NCAN: variants seen among roughly 807,000 people sequenced by gnomAD.
The protein encoded by NCAN is neurocan, also known as neurocan core protein.
Under a neutral mutation model 121.8 loss-of-function variants are expected in NCAN, and 47 were observed. That is an observed-to-expected ratio of 0.39 (90% CI 0.31 to 0.49). The LOEUF (loss-of-function observed/expected upper bound fraction) is 0.49. Ranked by LOEUF, NCAN falls within the 20% of genes least tolerant of loss-of-function variation. NCAN has a pLI of 0.92. For synonymous variants in NCAN, 633 were observed against 702.0 expected (o/e 0.90, Z 1.55); for missense variants, 1,517 against 1,773.4 (o/e 0.86, Z 2.60).
At chr19:19,238,170 T>C (rs2060888864) in intron 10 of NCAN, 83 bp from the exon 11 acceptor site, 1 of 1,580,312 alleles carries the variant, frequency 6.3e-7, no homozygotes, top group African/African-American at 1.3e-5. Flanking sequence ...TTGGGCCCTC[T>C]CTCTGGTGGG....
At chr19:19,231,242 A>C (rs1320492148) in intron 8 of NCAN, among the ~76,000 whole-genome samples, 1 of 152,016 alleles carries the variant, frequency 6.6e-6, no homozygotes, top group Admixed American at 6.6e-5. Flanking sequence ...GGAGACAGAC[A>C]CAGAGAGGTG....
At chr19:19,214,727 GGTGTGT>G (rs56279536) in intron 1 of NCAN, among the ~76,000 whole-genome samples, 1,712 of 141,186 alleles carry the variant, frequency 0.012, 16 homozygotes, top group Middle Eastern at 0.018. Context: ...CTGTTAACGG[GGTGTGT>G]GTGTGTGTGT....
At position 19,252,207 on chromosome 19, in the gene NCAN, A is replaced by C. The variant is rs917095736; in HGVS notation, c.*2296A>C. Reference sequence around the variant, plus strand: ...GTGGACATTAATGTACTTCTTGGACATTTTAATAAATTTTTTAACAGTTCA... The same window carrying C: ...GTGGACATTAATGTACTTCTTGGACCTTTTAATAAATTTTTTAACAGTTCA... On this transcript the variant is annotated 3_prime_UTR_variant, in exon 15 of 15. Transcript: ENST00000252575. 3 of 152,654 alleles carry C rather than the reference A, an allele frequency of 2.0e-5. No individual in the cohort carries two copies. The highest frequency in any genetic ancestry group is 6.5e-5 in the Admixed American group (1 of 15,268). 9.5% of individuals were successfully genotyped at this position (152,654 alleles called of 1,614,324 possible).
rs191217375 is a variant in NCAN, at chr19:19,227,884, G to A, written c.2264G>A (p.Gly755Glu). 25 of 1,613,684 alleles carry A rather than the reference G, an allele frequency of 1.5e-5. No individual in the cohort carries two copies. The Admixed American group carries it at 4.2e-4, about 27-fold the overall frequency. ...CCAACGGGCCTCAGGGGTATCCCGG[G>A]GTCTGAGTCTGGGGTCTTCGACACA... ...TEPTGLRGIP[G>E]SESGVFDTAE... Residue 755 changes from glycine to glutamate, a missense_variant, in exon 8 of 15, where the codon GGG (glycine) becomes GAG (glutamate). By Grantham distance (98) the Gly-to-Glu change is moderately conservative. Transcript: ENST00000252575. This position sits in a 1 kb window ranked among gnomAD's most constrained non-coding sequence, Gnocchi z 4.2.
At chr19:19,233,684 T>C (rs2060869969) in intron 8 of NCAN, 105 bp from the exon 9 acceptor site, 1 of 719,372 alleles carries the variant, frequency 1.4e-6, no homozygotes, top group Non-Finnish European at 2.5e-6. Flanking sequence ...GAGGGCTCCA[T>C]AGAGAGGGTT....
At position 19,250,069 on chromosome 19, in the gene NCAN, T is replaced by G. The variant is rs895573039; in HGVS notation, c.*158T>G. ...AATCCTTTGTACAAAGCTCCTCTTT[T>G]CCCTTTTTTTACATACACAAGATCC... On this transcript the variant is annotated 3_prime_UTR_variant, in exon 15 of 15. Transcript: ENST00000252575. The G allele has an allele frequency of 3.5e-6, 3 of 853,370 alleles. No homozygotes were observed. In the African/African-American group the frequency reaches 5.0e-5, roughly 14 times the overall value. The allele number at this position is 853,370 out of a possible 1,614,324, so 52.9% of individuals were successfully genotyped here.
At chr19:19,214,333 C>G (rs1241589722) in intron 1 of NCAN, among the ~76,000 whole-genome samples, 2 of 152,152 alleles carry the variant, frequency 1.3e-5, no homozygotes, top group Non-Finnish European at 2.9e-5. Flanking sequence ...CATGAGGGCA[C>G]GGGCCCCAGA....
rs1210118462 is a variant in NCAN at position 19,224,070 on chromosome 19, C to T, written c.525C>T (p.Phe175=). 6.9e-6 allele frequency: 11 copies of T among 1,596,060 alleles called. No homozygotes were observed. Among genetic ancestry groups the T allele is most frequent in the Middle Eastern group, 1.7e-4 (1 of 6,008 alleles). The change falls in exon 4 of 15, where the codon TTC becomes TTT. Residue 175 remains phenylalanine (F), a synonymous_variant. Transcript: ENST00000252575. ...RSARDRYALT[F]AEAQEACRLS... ...CCCGGGACCGCTATGCACTGACCTTCGCTGAGGCCCAGGAGGCCTGCCGTC... is the reference window on the plus strand; with the variant it reads ...CCCGGGACCGCTATGCACTGACCTTTGCTGAGGCCCAGGAGGCCTGCCGTC...
intron 2 of NCAN, 24 bp from the exon 3 acceptor site, chr19:19,218,891 C>A (rs1020436852): frequency 4.8e-6 from 7 of 1,473,354 alleles, no homozygotes; most frequent in Non-Finnish European, 6.3e-6. Context: ...GAATCAGGCC[C>A]TCTCTCCACC....
chr19:19,245,389 A>T lies in NCAN; in HGVS notation c.3569A>T (p.His1190Leu), dbSNP rs200706867. 1.2e-6 allele frequency: 2 copies of T among 1,614,132 alleles called. No homozygotes were observed. Among genetic ancestry groups the T allele is most frequent in the African/African-American group, 2.7e-5 (2 of 74,954 alleles). ...GGEDCVVMVA[H>L]ESGRWNDVPC... Reference sequence around the variant, plus strand: ...GAGGACTGTGTGGTGATGGTGGCGCATGAAAGCGGGCGCTGGAACGATGTC... The same window carrying T: ...GAGGACTGTGTGGTGATGGTGGCGCTTGAAAGCGGGCGCTGGAACGATGTC... Residue 1190 changes from histidine to leucine, a missense_variant, in exon 13 of 15, where the codon CAT becomes CTT. Coordinates refer to ENST00000252575, the MANE Select transcript of NCAN (RefSeq NM_004386.3).
At chr19:19,229,619 C>A (rs1050515111) in intron 8 of NCAN, among the ~76,000 whole-genome samples, 1 of 152,178 alleles carries the variant, frequency 6.6e-6, no homozygotes, top group Non-Finnish European at 1.5e-5. Flanking sequence ...GAGCCCAAGT[C>A]AGCCTGAGTC....
chr19:19,243,815 CAGG>C (rs1568602959), intron 12 of NCAN, among the ~76,000 whole-genome samples: 2 of 152,250 alleles, frequency 1.3e-5, no homozygotes, highest in East Asian at 3.9e-4. Context: ...ATCGCGAGGT[CAGG>C]AGTTCAAGAC....
Position 19,226,589 on chromosome 19 carries a change from C to A in NCAN, c.1176C>A (p.Pro392=), listed in dbSNP as rs2060837917. Residue 392 remains proline, a synonymous_variant, in exon 7 of 15, where the codon CCC becomes CCA. Transcript: ENST00000252575. ...AEGPPVRELE[P]TLEEEEVVTP... ...GGCCCCCAGTTAGAGAACTGGAGCC[C>A]ACCCTGGAGGAGGAAGAGGTGGTCA... 1 of 1,613,718 alleles carries A rather than the reference C, an allele frequency of 6.2e-7. No homozygotes were observed. The highest frequency in any genetic ancestry group is 8.5e-7 in the Non-Finnish European group (1 of 1,179,966).
intron 13 of NCAN, among the ~76,000 whole-genome samples, chr19:19,245,896 G>C (rs1040187624): frequency 5.9e-5 from 9 of 152,224 alleles, no homozygotes; most frequent in African/African-American, 1.7e-4. Flanking sequence ...GTGCTTAATG[G>C]GTATAGAATT....
intron 8 of NCAN, among the ~76,000 whole-genome samples, chr19:19,230,234 A>G (rs949375515): frequency 6.6e-6 from 1 of 151,740 alleles, no homozygotes; most frequent in African/African-American, 2.4e-5. Flanking sequence ...TAGTAGAGAC[A>G]AGGCTTCACC....
At chr19:19,244,013 G>A (rs966860387) in intron 12 of NCAN, among the ~76,000 whole-genome samples, 2 of 152,072 alleles carry the variant, frequency 1.3e-5, no homozygotes, top group African/African-American at 4.8e-5. Flanking sequence ...CCTGGGCTCT[G>A]TCTCAAACAA....
At chr19:19,245,037 A>G (rs1213648211) in intron 12 of NCAN, among the ~76,000 whole-genome samples, 1 of 152,042 alleles carries the variant, frequency 6.6e-6, no homozygotes, top group African/African-American at 2.4e-5. Flanking sequence ...TCTAACACTG[A>G]TTCATGTTGA....
At chr19:19,220,980 C>T (rs1221034431) in intron 3 of NCAN, among the ~76,000 whole-genome samples, 1 of 152,052 alleles carries the variant, frequency 6.6e-6, no homozygotes, top group African/African-American at 2.4e-5. Flanking sequence ...TGTCTGTAAT[C>T]CCAGCACTTT....
At chr19:19,244,605 G>A (rs1055749358) in intron 12 of NCAN, among the ~76,000 whole-genome samples, 6 of 151,762 alleles carry the variant, frequency 4.0e-5, no homozygotes, top group Admixed American at 2.0e-4. Flanking sequence ...CACTGAGCCC[G>A]GCCTTGAATC....
Sources: allele counts gnomAD v4.1 joint callset (sites outside exome capture counted in the v4.1 genomes callset), GRCh38; gene constraint gnomAD v4.1.1; non-coding constraint Gnocchi (gnomAD v3.1); transcripts MANE v1.5; gene names NCBI Gene and HGNC (gene_info 2026-07-23, HGNC 2026-07-21).